Variants in GHR observed in about 807,000 individuals in gnomAD.
GHR encodes growth hormone receptor.
GHR carries 35 observed loss-of-function variants against 67.1 expected under a neutral mutation model. The ratio of observed to expected loss-of-function variants is 0.52; its 90% CI spans 0.40 to 0.69. GHR has a LOEUF of 0.69. Among genes scored for constraint, GHR ranks in the 30% least tolerant of loss-of-function variants. The probability of loss-of-function intolerance (pLI) is 0.00; values close to 1 mark genes in which losing one functional copy is unlikely to be tolerated. For missense variants in GHR, 792 were observed against 764.6 expected (o/e 1.04, Z -0.42); for synonymous variants, 272 against 269.1 (o/e 1.01, Z -0.10).
intron 4 of GHR, among the ~76,000 whole-genome samples, chr5:42,691,709 GTTCAGGCACAGCCCTA>G (rs1297609785): frequency 6.6e-6 from 1 of 152,244 alleles, no homozygotes; most frequent in Non-Finnish European, 1.5e-5. Context: ...CAACAGGACA[GTTCAGGCACAGCCCTA>G]CAGGCAGTTG....
intron 3 of GHR, among the ~76,000 whole-genome samples, chr5:42,671,591 T>A (rs907833685): frequency 6.6e-6 from 1 of 151,252 alleles, no homozygotes. Context: ...ACCACATGAT[T>A]TCAATAGGTG....
At chr5:42,486,332 G>A (rs1745877197) in intron 1 of GHR, among the ~76,000 whole-genome samples, 1 of 151,984 alleles carries the variant, frequency 6.6e-6, no homozygotes, top group Non-Finnish European at 1.5e-5. Context: ...GCTTCAACTT[G>A]GCTCTCTTTG....
At chr5:42,615,794 A>T (rs1282576837) in intron 2 of GHR, among the ~76,000 whole-genome samples, 1 of 152,058 alleles carries the variant, frequency 6.6e-6, no homozygotes, top group Admixed American at 6.6e-5. Flanking sequence ...AAATTATGTG[A>T]CTATAAATTG....
intron 1 of GHR, among the ~76,000 whole-genome samples, chr5:42,558,146 G>A (rs1241136878): frequency 6.6e-6 from 1 of 152,024 alleles, no homozygotes; most frequent in African/African-American, 2.4e-5. Context: ...CATAATAATT[G>A]TATTTCTGAA....
At chr5:42,618,171 TC>T in intron 2 of GHR, among the ~76,000 whole-genome samples, 1 of 152,256 alleles carries the variant, frequency 6.6e-6, no homozygotes. Flanking sequence ...TGTCACCATA[TC>T]CATCTACATT....
Position 42,565,810 on chromosome 5 carries a change from A to G in GHR, c.-11-54A>G, listed in dbSNP as rs372702393. ...CCCAGTCTTTAAACAGTATTTCATGATAATGGTCTGCTTTTAATTGCTGGG... is the reference window on the plus strand; with the variant it reads ...CCCAGTCTTTAAACAGTATTTCATGGTAATGGTCTGCTTTTAATTGCTGGG... On this transcript the variant is annotated intron_variant, in intron 1 of 9. Coordinates refer to ENST00000230882, the MANE Select transcript of GHR (RefSeq NM_000163.5). 2.7e-5 allele frequency: 44 copies of G among 1,613,584 alleles called. No individual in the cohort carries two copies. The African/African-American group carries it at 5.5e-4, about 20-fold the overall frequency.
intron 1 of GHR, among the ~76,000 whole-genome samples, chr5:42,534,046 G>C (rs578207050): frequency 6.7e-6 from 1 of 149,572 alleles, no homozygotes; most frequent in South Asian, 2.1e-4. Context: ...TATATATATA[G>C]TATATGTATG....
chr5:42,561,852 C>T (rs1241701158), intron 1 of GHR, among the ~76,000 whole-genome samples: 1 of 152,094 alleles, frequency 6.6e-6, no homozygotes, highest in African/African-American at 2.4e-5. Context: ...TTAAAAAACC[C>T]AGTGGGCTAA....
At chr5:42,576,404 CT>C (rs1561136311) in intron 2 of GHR, among the ~76,000 whole-genome samples, 1 of 151,890 alleles carries the variant, frequency 6.6e-6, no homozygotes, top group Non-Finnish European at 1.5e-5. Context: ...TGTAAAATTC[CT>C]ATAATTATAG....
intron 1 of GHR, among the ~76,000 whole-genome samples, chr5:42,474,624 C>A (rs957585535): frequency 1.6e-4 from 24 of 151,104 alleles, no homozygotes; most frequent in Non-Finnish European, 2.8e-4. Context: ...ACAACAACAA[C>A]AACAAAAAAA....
intron 2 of GHR, among the ~76,000 whole-genome samples, chr5:42,614,421 A>T (rs890390651): frequency 3.9e-5 from 6 of 151,948 alleles, no homozygotes; most frequent in African/African-American, 1.4e-4. Context: ...TCACCTGGGG[A>T]CCTTGCAGAT....
At chr5:42,521,756 G>A (rs1232437649) in intron 1 of GHR, among the ~76,000 whole-genome samples, 1 of 152,098 alleles carries the variant, frequency 6.6e-6, no homozygotes, top group Non-Finnish European at 1.5e-5. Context: ...TTAGAAGAGA[G>A]GATATTACTT....
chr5:42,580,225 A>T (rs563829822), intron 2 of GHR, among the ~76,000 whole-genome samples: 20 of 152,318 alleles, frequency 1.3e-4, no homozygotes, highest in African/African-American at 4.1e-4. Flanking sequence ...GTTAATTAAC[A>T]CAGCAAATAC....
Position 42,531,514 on chromosome 5 carries a change from A to G in GHR, c.-11-34350A>G, listed in dbSNP as rs141468642. Among the ~76,000 whole-genome samples, 143 of 151,502 alleles carry G rather than the reference A, an allele frequency of 9.4e-4. 2 individuals are homozygous for G. The East Asian group carries it at 0.023, about 24-fold the overall frequency. ...TTAGAGTGGGTCTCGGTCTCACTCT[A>G]TCACCCAAGCTGGAGTGCCGTGGTG... On this transcript the variant is annotated intron_variant, in intron 1 of 9. Coordinates refer to ENST00000230882, the MANE Select transcript of GHR (RefSeq NM_000163.5).
chr5:42,466,354 G>GT (rs994488759), intron 1 of GHR, among the ~76,000 whole-genome samples: 2 of 152,118 alleles, frequency 1.3e-5, no homozygotes, highest in African/African-American at 4.8e-5. Flanking sequence ...GACAGTTAAG[G>GT]TTTTTTCTTT....
chr5:42,551,956 T>C (rs1749057157), intron 1 of GHR, among the ~76,000 whole-genome samples: 1 of 152,218 alleles, frequency 6.6e-6, no homozygotes, highest in Non-Finnish European at 1.5e-5. Flanking sequence ...TTTGGTACTG[T>C]TTTACAAGAT....
At chr5:42,475,303 G>A (rs1009299791) in intron 1 of GHR, among the ~76,000 whole-genome samples, 5 of 152,102 alleles carry the variant, frequency 3.3e-5, no homozygotes, top group African/African-American at 1.2e-4. Flanking sequence ...ATGTAATGAA[G>A]GCAGTAGAGA....
intron 1 of GHR, chr5:42,466,948 C>T (rs1744757911): frequency 7.1e-6 from 11 of 1,540,448 alleles, no homozygotes; most frequent in Admixed American, 2.1e-5. Flanking sequence ...GAAAGCTGCA[C>T]CACACTTCTT....
At chr5:42,599,382 G>C (rs34315760) in intron 2 of GHR, among the ~76,000 whole-genome samples, 1 of 27,018 alleles carries the variant, frequency 3.7e-5, no homozygotes, top group South Asian at 9.2e-4. Context: ...TTTTTTTTTT[G>C]AGACAGAGTT....
Sources: gnomAD v4.1 joint callset for allele counts (sites outside exome capture counted in the v4.1 genomes callset) on GRCh38, gnomAD v4.1.1 for gene constraint, MANE v1.5 for transcripts, NCBI Gene and HGNC (gene_info 2026-07-23, HGNC 2026-07-21) for gene names.